CNTN6: variants seen among roughly 807,000 people sequenced by gnomAD.
CNTN6 encodes the protein contactin-6.
Under a neutral mutation model 122.8 loss-of-function variants are expected in CNTN6, and 137 were observed. That is an observed-to-expected ratio of 1.12 (90% confidence interval 0.97 to 1.29). The LOEUF is 1.29. CNTN6 is among the 50% of genes most tolerant of loss of function. CNTN6 has a pLI of 0.00. For synonymous variants in CNTN6, 570 were observed against 426.0 expected (o/e 1.34, Z -4.16); for missense variants, 1,634 against 1,223.4 (o/e 1.34, Z -5.01).
chr3:1,260,536 T>A (rs976099713), intron 4 of CNTN6, among the ~76,000 whole-genome samples: 1 of 152,084 alleles, frequency 6.6e-6, no homozygotes, highest in Non-Finnish European at 1.5e-5. Flanking sequence ...GTGCTTTAGA[T>A]AATAATTCCC....
intron 2 of CNTN6, among the ~76,000 whole-genome samples, chr3:1,152,774 G>T (rs1171755957): frequency 1.3e-5 from 2 of 152,300 alleles, no homozygotes; most frequent in African/African-American, 4.8e-5. Context: ...TGAATCGTGT[G>T]CTATATCTGT....
intron 2 of CNTN6, among the ~76,000 whole-genome samples, chr3:1,158,409 G>C (rs1215976320): frequency 6.6e-6 from 1 of 152,190 alleles, no homozygotes; most frequent in Admixed American, 6.5e-5. Context: ...AGTTGTTTGA[G>C]CTCCTTATAT....
chr3:1,300,663 C>T (rs1697228031), intron 7 of CNTN6, among the ~76,000 whole-genome samples: 1 of 152,002 alleles, frequency 6.6e-6, no homozygotes, highest in African/African-American at 2.4e-5. Context: ...TTGAACTGCT[C>T]ACATACCAGT....
intron 7 of CNTN6, 38 bp downstream of exon 7, chr3:1,298,029 A>G (rs1197938917): frequency 6.1e-6 from 9 of 1,486,166 alleles, no homozygotes; most frequent in South Asian, 1.2e-5. Flanking sequence ...TCCTGGTTGC[A>G]TTAATTTTTT....
intron 7 of CNTN6, among the ~76,000 whole-genome samples, chr3:1,313,432 C>T (rs1262515342): frequency 1.3e-5 from 2 of 152,088 alleles, no homozygotes; most frequent in African/African-American, 4.8e-5. Context: ...CTTATTTATG[C>T]TTCAAACATT....
chr3:1,321,551 A>G (rs772243839), intron 7 of CNTN6, 99 bp from the exon 8 acceptor site: 72 of 1,045,890 alleles, frequency 6.9e-5, no homozygotes, highest in Middle Eastern at 6.4e-4. Flanking sequence ...AGATTGATAG[A>G]ATATTTTTCT....
intron 2 of CNTN6, among the ~76,000 whole-genome samples, chr3:1,154,962 A>C (rs114838624): frequency 6.6e-6 from 1 of 152,036 alleles, no homozygotes; most frequent in South Asian, 2.1e-4. Flanking sequence ...GGGTCTTTGC[A>C]TGTGCTGTTC....
intron 5 of CNTN6, among the ~76,000 whole-genome samples, chr3:1,281,600 A>ATT (rs1693452593): frequency 1.3e-5 from 2 of 151,914 alleles, no homozygotes; most frequent in Non-Finnish European, 2.9e-5. Context: ...GAGTAGCTGG[A>ATT]ACCACAGGCA....
intron 2 of CNTN6, among the ~76,000 whole-genome samples, chr3:1,152,829 G>A (rs984251885): frequency 2.6e-5 from 4 of 152,026 alleles, no homozygotes; most frequent in African/African-American, 4.8e-5. Flanking sequence ...TTTTATCTGC[G>A]GACTATTAGA....
intron 4 of CNTN6, among the ~76,000 whole-genome samples, chr3:1,239,854 C>A (rs2094461364): frequency 6.6e-6 from 1 of 152,028 alleles, no homozygotes; most frequent in Admixed American, 6.6e-5. Context: ...GAATAGAGAA[C>A]CCAGAAATAA....
chr3:1,271,664 G>A (rs1233202977), intron 4 of CNTN6, among the ~76,000 whole-genome samples: 1 of 152,090 alleles, frequency 6.6e-6, no homozygotes, highest in East Asian at 1.9e-4. Context: ...GGATTCAGAG[G>A]ATTCAGGACA....
intron 4 of CNTN6, among the ~76,000 whole-genome samples, chr3:1,247,735 A>G (rs1046606416): frequency 5.3e-5 from 8 of 152,212 alleles, no homozygotes; most frequent in Non-Finnish European, 7.3e-5. Flanking sequence ...TCCGTGGATT[A>G]TAGTCCCCTC....
rs1695045161 is a variant in CNTN6 at position 1,396,796 on chromosome 3, C to G, written c.2705-4637C>G. On this transcript the variant is annotated intron_variant, in intron 20 of 22. Coordinates refer to ENST00000446702, the MANE Select transcript of CNTN6 (RefSeq NM_001289080.2). ...AAAGCATGCATGAAAAACAGCTTTACTGAAACATTGATGATAACCATGATT... is the reference window on the plus strand; with the variant it reads ...AAAGCATGCATGAAAAACAGCTTTAGTGAAACATTGATGATAACCATGATT... 2.6e-5 allele frequency among the ~76,000 whole-genome samples: 4 copies of G among 152,204 alleles called. No individual in the cohort carries two copies. The South Asian group carries it at 8.3e-4, about 31-fold the overall frequency.
chr3:1,115,890 A>G (rs371489985), intron 1 of CNTN6, among the ~76,000 whole-genome samples: 5 of 152,246 alleles, frequency 3.3e-5, no homozygotes, highest in African/African-American at 1.2e-4. Flanking sequence ...GAATTGTAAG[A>G]TAAAATTGAA....
intron 1 of CNTN6, among the ~76,000 whole-genome samples, chr3:1,106,209 C>G (rs1432716270): frequency 3.3e-5 from 5 of 152,110 alleles, no homozygotes; most frequent in Admixed American, 6.6e-5. Flanking sequence ...TTATATGTTA[C>G]AGACAGGTAA....
At chr3:1,303,429 A>C (rs1369122004) in intron 7 of CNTN6, among the ~76,000 whole-genome samples, 1 of 152,130 alleles carries the variant, frequency 6.6e-6, no homozygotes, top group Non-Finnish European at 1.5e-5. Context: ...CTAGGGTTAG[A>C]CTGTAATTAC....
At chr3:1,132,771 T>C (rs1406478788) in intron 1 of CNTN6, among the ~76,000 whole-genome samples, 2 of 152,180 alleles carry the variant, frequency 1.3e-5, no homozygotes, top group African/African-American at 2.4e-5. Context: ...TTCCCTCTTC[T>C]AGAGTGTTTG....
chr3:1,213,620 TTCTA>T (rs992924810), intron 2 of CNTN6, among the ~76,000 whole-genome samples: 1 of 151,928 alleles, frequency 6.6e-6, no homozygotes, highest in South Asian at 2.1e-4. Flanking sequence ...ATAGCCATCT[TTCTA>T]TATATATAAA....
intron 5 of CNTN6, among the ~76,000 whole-genome samples, chr3:1,285,770 C>T (rs895232892): frequency 1.4e-4 from 21 of 152,154 alleles, no homozygotes; most frequent in African/African-American, 4.8e-4. Flanking sequence ...ATTCCACTCC[C>T]TAATTTTCTC....
Sources: allele counts gnomAD v4.1 joint callset (sites outside exome capture counted in the v4.1 genomes callset), GRCh38; gene constraint gnomAD v4.1.1; transcripts MANE v1.5; gene names NCBI Gene and HGNC (gene_info 2026-07-23, HGNC 2026-07-21).